The following TMCC1 variants were observed in gnomAD, a reference collection of about 807,000 sequenced individuals.
TMCC1 encodes the protein transmembrane and coiled-coil domain family 1.
Under a neutral mutation model 52.4 loss-of-function variants are expected in TMCC1, and 15 were observed. The ratio of observed to expected loss-of-function variants is 0.29; its 90% CI spans 0.19 to 0.44. The LOEUF is 0.44. Ranked by LOEUF, TMCC1 falls within the 20% of genes least tolerant of loss-of-function variation. The pLI is 1.00. For synonymous variants in TMCC1, 279 were observed against 301.9 expected, an observed-to-expected ratio of 0.92 and a Z score of 0.79; for missense variants, 503 against 806.0, an observed-to-expected ratio of 0.62 and a Z score of 4.55.
At chr3:129,857,433 CA>C (rs2107920484) in intron 2 of TMCC1, 1 of 152,284 alleles carries the variant, frequency 6.6e-6, no homozygotes, top group South Asian at 2.1e-4. Context: ...ATACAGGAAG[CA>C]GAAAGAATCA....
chr3:129,807,433 G>C (rs1179170658), intron 4 of TMCC1, among the ~76,000 whole-genome samples: 1 of 152,148 alleles, frequency 6.6e-6, no homozygotes, highest in East Asian at 1.9e-4. Context: ...GAGTTTTCCA[G>C]ATTGAAAGGA....
At chr3:129,776,983 G>C (rs1023566301) in intron 4 of TMCC1, among the ~76,000 whole-genome samples, 3 of 152,058 alleles carry the variant, frequency 2.0e-5, no homozygotes, top group African/African-American at 7.2e-5. Flanking sequence ...AAAAGCTTGT[G>C]GTCAATCGAG....
rs531335046 is a variant in TMCC1, at chr3:129,659,918, T to C, written c.1512-4815A>G. ...GAAATCTACCTACTCCAAAGGGCAATTGCAAAGATTAAAGGAGAAGACAGA... is the reference window on the plus strand; with the variant it reads ...GAAATCTACCTACTCCAAAGGGCAACTGCAAAGATTAAAGGAGAAGACAGA... On this transcript the variant is annotated intron_variant, in intron 5 of 6. Coordinates refer to ENST00000393238, the MANE Select transcript of TMCC1 (RefSeq NM_001017395.5). Among the ~76,000 whole-genome samples, 13 of 152,280 alleles carry C rather than the reference T, an allele frequency of 8.5e-5. No individual in the cohort carries two copies. In the South Asian group the frequency reaches 1.0e-3, roughly 12 times the overall value.
At chr3:129,681,734 C>T (rs2089000543) in intron 4 of TMCC1, among the ~76,000 whole-genome samples, 1 of 151,798 alleles carries the variant, frequency 6.6e-6, no homozygotes, top group Admixed American at 6.6e-5. Context: ...ATGGTAAAAC[C>T]CCGTCTTTAC....
At chr3:129,866,331 C>A (rs1447865737) in intron 2 of TMCC1, among the ~76,000 whole-genome samples, 1 of 137,734 alleles carries the variant, frequency 7.3e-6, no homozygotes, top group Admixed American at 7.7e-5. Context: ...TACATATATA[C>A]ATAATATATA....
At chr3:129,736,470 T>G (rs1015240345) in intron 4 of TMCC1, among the ~76,000 whole-genome samples, 1 of 151,960 alleles carries the variant, frequency 6.6e-6, no homozygotes, top group African/African-American at 2.4e-5. Context: ...TGATGAAACT[T>G]CTCCTTTAAA....
chr3:129,783,445 CA>C (rs1273186402), intron 4 of TMCC1, among the ~76,000 whole-genome samples: 1 of 151,988 alleles, frequency 6.6e-6, no homozygotes, highest in Non-Finnish European at 1.5e-5. Context: ...ATTTTATGAT[CA>C]TTTTTTTTCC....
At chr3:129,809,246 CAAAAAAAAA>C (rs11418962) in intron 4 of TMCC1, among the ~76,000 whole-genome samples, 2 of 91,400 alleles carry the variant, frequency 2.2e-5, no homozygotes, top group Non-Finnish European at 3.9e-5. Flanking sequence ...GATTCCATCT[CAAAAAAAAA>C]AAAAAAAAAA....
intron 4 of TMCC1, among the ~76,000 whole-genome samples, chr3:129,799,498 A>T (rs1232303026): frequency 6.6e-6 from 1 of 152,078 alleles, no homozygotes; most frequent in Non-Finnish European, 1.5e-5. Flanking sequence ...TAATTTTCCT[A>T]ACATGTCCTT....
chr3:129,733,264 T>C (rs1173203775), intron 4 of TMCC1, among the ~76,000 whole-genome samples: 3 of 152,214 alleles, frequency 2.0e-5, no homozygotes, highest in East Asian at 3.8e-4. Context: ...CAAGAAGCAA[T>C]CATTCAAGTG....
chr3:129,843,532 TGAA>T (rs948075265), intron 2 of TMCC1, among the ~76,000 whole-genome samples: 1 of 151,912 alleles, frequency 6.6e-6, no homozygotes, highest in Admixed American at 6.6e-5. Flanking sequence ...ATATCAGGAA[TGAA>T]GGAGAAAGGA....
chr3:129,669,781 T>C (rs952991026), intron 5 of TMCC1, among the ~76,000 whole-genome samples: 3 of 152,232 alleles, frequency 2.0e-5, no homozygotes, highest in South Asian at 2.1e-4. Context: ...ACAGAGACTA[T>C]GATTCAAAGC....
chr3:129,684,655 G>A (rs2089272670), intron 4 of TMCC1, among the ~76,000 whole-genome samples: 1 of 152,202 alleles, frequency 6.6e-6, no homozygotes, highest in African/African-American at 2.4e-5. Flanking sequence ...ATGAGCAATG[G>A]AAAGATTTCA....
intron 4 of TMCC1, among the ~76,000 whole-genome samples, chr3:129,789,060 A>T (rs758719767): frequency 6.6e-5 from 10 of 152,206 alleles, no homozygotes; most frequent in Non-Finnish European, 1.5e-4. Flanking sequence ...ACTTAGAGAA[A>T]ATTAATTACA....
chr3:129,845,150 T>C (rs1560534641), intron 2 of TMCC1, among the ~76,000 whole-genome samples: 1 of 151,110 alleles, frequency 6.6e-6, no homozygotes, highest in Non-Finnish European at 1.5e-5. Flanking sequence ...ATCACACCAC[T>C]GCACTCTGGC....
intron 4 of TMCC1, among the ~76,000 whole-genome samples, chr3:129,700,975 T>A (rs1193422294): frequency 1.3e-5 from 2 of 152,196 alleles, no homozygotes; most frequent in Non-Finnish European, 2.9e-5. Flanking sequence ...TCAGATGTCA[T>A]CAATATGACT....
At chr3:129,741,109 T>C (rs2051417414) in intron 4 of TMCC1, among the ~76,000 whole-genome samples, 2 of 152,148 alleles carry the variant, frequency 1.3e-5, no homozygotes, top group Admixed American at 1.3e-4. Flanking sequence ...CTATTATCTT[T>C]CAAGCAAAAA....
At chr3:129,799,127 T>C (rs1448362664) in intron 4 of TMCC1, among the ~76,000 whole-genome samples, 2 of 152,146 alleles carry the variant, frequency 1.3e-5, no homozygotes, top group African/African-American at 4.8e-5. Flanking sequence ...TACCTTAACT[T>C]GTGAGGGTTG....
chr3:129,794,282 T>C (rs1421150502), intron 4 of TMCC1: 2 of 455,932 alleles, frequency 4.4e-6, no homozygotes, highest in Non-Finnish European at 8.8e-6. Flanking sequence ...CTGAAGCAAG[T>C]GAGAGTTTCC....
Sources: allele counts gnomAD v4.1 joint callset (sites outside exome capture counted in the v4.1 genomes callset), GRCh38; gene constraint gnomAD v4.1.1; transcripts MANE v1.5; gene names NCBI Gene and HGNC (gene_info 2026-07-23, HGNC 2026-07-21).